The following TMEM212 variants were observed in gnomAD, a reference collection of about 807,000 sequenced individuals.
TMEM212 encodes the protein transmembrane protein 212.
TMEM212 carries 23 observed loss-of-function variants against 20.5 expected under a neutral mutation model. The observed-to-expected ratio is 1.12, with a 90% CI of 0.81 to 1.59. The LOEUF (loss-of-function observed/expected upper bound fraction) is 1.59, where lower values mean the gene tolerates loss of function less well. Ranked by LOEUF, TMEM212 falls within the 40% of genes most tolerant of loss-of-function variation. The pLI is 0.00. For missense variants in TMEM212, 211 were observed against 215.0 expected (o/e 0.98, Z 0.12); for synonymous variants, 76 against 81.6 (o/e 0.93, Z 0.37).
intron 4 of TMEM212, 130 bp downstream of exon 4, chr3:171,856,837 T>C (rs1051747976): frequency 2.4e-6 from 1 of 424,798 alleles, no homozygotes; most frequent in African/African-American, 2.0e-5. Context: ...CCTAAATGTC[T>C]TATTAAAATG....
chr3:171,848,915 T>C (rs1724903419), intron 1 of TMEM212, among the ~76,000 whole-genome samples: 1 of 151,776 alleles, frequency 6.6e-6, no homozygotes, highest in Non-Finnish European at 1.5e-5. Context: ...AACTGGCTCA[T>C]CTTTCTAAAC....
intron 1 of TMEM212, 142 bp downstream of exon 1, chr3:171,843,684 A>T (rs1724765667): frequency 1.5e-6 from 1 of 660,232 alleles, no homozygotes; most frequent in Non-Finnish European, 2.3e-6. Context: ...CCGCCTTGGA[A>T]CATTGATTTC....
rs368744965 is a variant in TMEM212 at position 171,849,353 on chromosome 3, G to A, written c.160-2629G>A. 2.0e-4 allele frequency among the ~76,000 whole-genome samples: 31 copies of A among 152,228 alleles called. No individual in the cohort carries two copies. The South Asian group carries it at 5.8e-3, about 28-fold the overall frequency. ...CTTGCCTAGTGTTGTAGCCATTCTC[G>A]TGTGTGCATTATTTTTACACCTGAA... On this transcript the variant is annotated intron_variant, in intron 1 of 4. Transcript: ENST00000334567.
At chr3:171,843,623 TA>T in intron 1 of TMEM212, 81 bp downstream of exon 1, 2 of 1,233,288 alleles carry the variant, frequency 1.6e-6, no homozygotes, top group African/African-American at 3.0e-5. Flanking sequence ...CATATCCTTT[TA>T]AATTGTTCTA....
At chr3:171,853,464 T>A in intron 2 of TMEM212, 63 bp from the exon 3 acceptor site, 10 of 1,387,034 alleles carry the variant, frequency 7.2e-6, no homozygotes, top group African/African-American at 1.4e-5. Flanking sequence ...TTCTTCATAT[T>A]GCTAAGAAGC....
At chr3:171,845,601 C>A (rs1724812318) in intron 1 of TMEM212, among the ~76,000 whole-genome samples, 1 of 152,072 alleles carries the variant, frequency 6.6e-6, no homozygotes. Flanking sequence ...ACCAGTTAGG[C>A]CCGGAGAAAT....
In TMEM212 at chr3:171,852,025, G is replaced by A. The variant is rs757461321; in HGVS notation, c.203G>A (p.Trp68Ter). 10 of 1,536,916 alleles carry A rather than the reference G, an allele frequency of 6.5e-6. No individual in the cohort carries two copies. The highest frequency in any genetic ancestry group is 8.7e-6 in the Non-Finnish European group (10 of 1,146,644). Residue 68 changes from tryptophan (W) to a stop codon, truncating the protein, a stop_gained, in exon 2 of 5, where the codon TGG becomes TAG. Coordinates refer to ENST00000334567, the MANE Select transcript of TMEM212 (RefSeq NM_001164436.2). LOFTEE classifies it high-confidence loss of function. ...CTTCTACTGTTGGCTTACAGAGAGT[G>A]GACCCAGAGGTACCTGGTAAATATA... ...GVLLLLAYRE[W>*]TQRYLGEATF...
At chr3:171,843,635 AC>A (rs1165298973) in intron 1 of TMEM212, 93 bp downstream of exon 1, 1 of 1,154,012 alleles carries the variant, frequency 8.7e-7, no homozygotes, top group Non-Finnish European at 1.2e-6. Context: ...AATTGTTCTA[AC>A]AATACAAAGA....
At chr3:171,844,222 C>T (rs1351061402) in intron 1 of TMEM212, among the ~76,000 whole-genome samples, 3 of 151,984 alleles carry the variant, frequency 2.0e-5, no homozygotes, top group African/African-American at 7.2e-5. Context: ...CCTTAGCTCT[C>T]CAACCAAAAA....
chr3:171,854,936 T>C (rs926788701), intron 3 of TMEM212, among the ~76,000 whole-genome samples: 5 of 152,204 alleles, frequency 3.3e-5, no homozygotes, highest in African/African-American at 1.2e-4. Context: ...GAATAGTCTA[T>C]GTAAGTCATA....
chr3:171,847,226 T>C (rs1309586807), intron 1 of TMEM212, among the ~76,000 whole-genome samples: 2 of 152,196 alleles, frequency 1.3e-5, no homozygotes, highest in Admixed American at 1.3e-4. Context: ...GGCTTGTAGA[T>C]CAAGTTCTGA....
intron 1 of TMEM212, 56 bp from the exon 2 acceptor site, chr3:171,851,926 T>A: frequency 6.8e-7 from 1 of 1,465,346 alleles, no homozygotes; most frequent in South Asian, 1.2e-5. Flanking sequence ...CAGATTGAAC[T>A]CTTTCCAGAG....
chr3:171,856,700 C>T lies in TMEM212; in HGVS notation c.581C>T (p.Pro194Leu). Reference sequence around the variant, plus strand: ...GCTGGGAACCCAAACCCTTTTTCACCATAAAAGGTAAAATGGTCTGGGGAT... The same window carrying T: ...GCTGGGAACCCAAACCCTTTTTCACTATAAAAGGTAAAATGGTCTGGGGAT... ...LPAGNPNPFSP is the reference protein window; with the variant it reads ...LPAGNPNPFSL The change falls in exon 4 of 5, where the codon CCA (proline) becomes CTA (leucine). Residue 194 changes from proline (P) to leucine (L), a missense_variant. By Grantham distance (98) the Pro-to-Leu change is moderately conservative. Transcript: ENST00000334567. 1.5e-6 allele frequency: 1 copy of T among 685,932 alleles called. No individual in the cohort carries two copies. The allele number at this position is 685,932 out of a possible 1,614,324, so 42.5% of individuals were successfully genotyped here.
intron 3 of TMEM212, among the ~76,000 whole-genome samples, chr3:171,855,071 C>T (rs1439354075): frequency 1.4e-5 from 2 of 143,502 alleles, no homozygotes; most frequent in East Asian, 3.9e-4. Context: ...TACACTAATA[C>T]AAAACTAATT....
Position 171,853,489 on chromosome 3 carries a change from G to A in TMEM212, c.220-38G>A, listed in dbSNP as rs1725036022. The A allele has an allele frequency of 2.1e-6, 3 of 1,454,430 alleles. No homozygotes were observed. In the African/African-American group the frequency reaches 4.3e-5, roughly 21 times the overall value. 90.1% of individuals were successfully genotyped at this position (1,454,430 alleles called of 1,614,324 possible). A position where few individuals can be genotyped will look rare whatever the true frequency, so the allele number is the denominator to read the frequency against. On this transcript the variant is annotated intron_variant, in intron 2 of 4. Coordinates refer to ENST00000334567, the MANE Select transcript of TMEM212 (RefSeq NM_001164436.2). Reference sequence around the variant, plus strand: ...TGCTAAGAAGCCTTTGAAATATTTTGTTCCCAAAGTAACAATTTATTTTTG... The same window carrying A: ...TGCTAAGAAGCCTTTGAAATATTTTATTCCCAAAGTAACAATTTATTTTTG...
rs534477284 is a variant in TMEM212 at position 171,844,198 on chromosome 3, C to T, written c.159+656C>T. Among the ~76,000 whole-genome samples, 15 of 152,218 alleles carry T rather than the reference C, an allele frequency of 9.9e-5. No homozygotes were observed. In the South Asian group the frequency reaches 2.3e-3, roughly 23 times the overall value. ...CTCATTGAATCATTGCACAGATAAACGATTGGCCTGGTCCCTTAGCTCTCC... is the reference window on the plus strand; with the variant it reads ...CTCATTGAATCATTGCACAGATAAATGATTGGCCTGGTCCCTTAGCTCTCC... On this transcript the variant is annotated intron_variant, in intron 1 of 4. Coordinates refer to ENST00000334567, the MANE Select transcript of TMEM212 (RefSeq NM_001164436.2).
chr3:171,846,032 T>C (rs1415299839), intron 1 of TMEM212, among the ~76,000 whole-genome samples: 7 of 152,196 alleles, frequency 4.6e-5, no homozygotes, highest in Admixed American at 4.6e-4. Flanking sequence ...CCTATCCTAC[T>C]CCCTCGTAAC....
At chr3:171,857,632 T>C (rs550004716) in intron 4 of TMEM212, among the ~76,000 whole-genome samples, 1 of 152,230 alleles carries the variant, frequency 6.6e-6, no homozygotes, top group African/African-American at 2.4e-5. Context: ...TCAAACCATA[T>C]ACAGGACAAG....
chr3:171,844,172 G>A (rs895561850), intron 1 of TMEM212, among the ~76,000 whole-genome samples: 5 of 152,106 alleles, frequency 3.3e-5, no homozygotes, highest in Middle Eastern at 3.2e-3. Context: ...CTCCGTGTGC[G>A]CTCATTGAAT....
Sources: gnomAD v4.1 joint callset for allele counts (sites outside exome capture counted in the v4.1 genomes callset) on GRCh38, gnomAD v4.1.1 for gene constraint, MANE v1.5 for transcripts, NCBI Gene and HGNC (gene_info 2026-07-23, HGNC 2026-07-21) for gene names.